The following CCHCR1 variants were observed in gnomAD, a reference collection of about 807,000 sequenced individuals.
The protein encoded by CCHCR1 is HCR (a-helix coiled-coil rod homologue).
Under a neutral mutation model 114.6 loss-of-function variants are expected in CCHCR1, and 91 were observed. That is an observed-to-expected ratio of 0.79 (90% CI 0.67 to 0.94). The LOEUF (loss-of-function observed/expected upper bound fraction) is 0.94, where lower values mean the gene tolerates loss of function less well. CCHCR1 is among the 40% of genes least tolerant of loss of function. CCHCR1 has a pLI of 0.00. For synonymous variants in CCHCR1, 379 were observed against 428.5 expected, an observed-to-expected ratio of 0.88 and a Z score of 1.43; for missense variants, 899 against 1,079.9, an observed-to-expected ratio of 0.83 and a Z score of 2.35.
In CCHCR1 at chr6:31,148,854, CGGG is replaced by C; in HGVS notation, c.1363-129_1363-127del. Reference sequence around the variant, plus strand: ...ATGCAGGGGCTGGGGGGAGGGGGGGCGGGCGACGGGGGTGGGTTGCAGCACGGT... The same window carrying C: ...ATGCAGGGGCTGGGGGGAGGGGGGGCCGACGGGGGTGGGTTGCAGCACGGT... On this transcript the variant is annotated intron_variant, in intron 8 of 17. Coordinates refer to ENST00000396268, the MANE Select transcript of CCHCR1 (RefSeq NM_001105564.2). 7.5e-5 allele frequency: 4 copies of C among 53,174 alleles called. 1 individual carries two copies. The highest frequency in any genetic ancestry group is 4.6e-4 in the Admixed American group (1 of 2,168). The allele number at this position is 53,174 out of a possible 1,614,324, so 3.3% of individuals were successfully genotyped here.
rs969789359 is a variant in CCHCR1, at chr6:31,151,747, C to A, written c.802-625G>T. ...TGTGTATGTGTTACTATCTGTCGGA[C>A]CACACTGGAAGGAAAGCTCCAGGAA... On this transcript the variant is annotated intron_variant, in intron 4 of 17. Coordinates refer to ENST00000396268, the MANE Select transcript of CCHCR1 (RefSeq NM_001105564.2). This position sits in a 1 kb window ranked among gnomAD's most constrained non-coding sequence, Gnocchi z 4.1. 3.9e-5 allele frequency among the ~76,000 whole-genome samples: 6 copies of A among 152,114 alleles called. No homozygotes were observed. The highest frequency in any genetic ancestry group is 1.4e-4 in the African/African-American group (6 of 41,418).
In CCHCR1 at chr6:31,150,708, C is replaced by T; in HGVS notation, c.1101+17G>A. 6.2e-7 allele frequency: 1 copy of T among 1,610,088 alleles called. No individual in the cohort carries two copies. The highest frequency in any genetic ancestry group is 8.5e-7 in the Non-Finnish European group (1 of 1,178,404). ...TGATCCCTAAGTCTGCACACAGATA[C>T]ATTCCTGCACCCTCACCTGCATGGT... On this transcript the variant is annotated intron_variant, in intron 6 of 17. Transcript: ENST00000396268. This position sits in a 1 kb window ranked among gnomAD's most constrained non-coding sequence, Gnocchi z 5.3.
Position 31,157,626 on chromosome 6 carries a change from T to C in CCHCR1, c.-26A>G, listed in dbSNP as rs1432361833. Reference sequence around the variant, plus strand: ...GCAGGGCTAGACCCTCCCCAAGACCTTGGGAATCCAGGCCGCCTAGATCCC... The same window carrying C: ...GCAGGGCTAGACCCTCCCCAAGACCCTGGGAATCCAGGCCGCCTAGATCCC... On this transcript the variant is annotated 5_prime_UTR_variant, in exon 1 of 18. Coordinates refer to ENST00000396268, the MANE Select transcript of CCHCR1 (RefSeq NM_001105564.2). The C allele has an allele frequency of 2.5e-6, 4 of 1,581,660 alleles. No individual in the cohort carries two copies. The highest frequency in any genetic ancestry group is 3.4e-6 in the Non-Finnish European group (4 of 1,162,030).
In CCHCR1 at chr6:31,144,940, C is replaced by A. The variant is rs745374329; in HGVS notation, c.2010G>T (p.Glu670Asp). Reference sequence around the variant, plus strand: ...GCTCCTGCCGCAGACTGGCAGCCTCCTCTGTGCTCTCCTGCTGGCCCTGGC... The same window carrying A: ...GCTCCTGCCGCAGACTGGCAGCCTCATCTGTGCTCTCCTGCTGGCCCTGGC... Reference protein sequence around the residue: ...VARQGQQESTEEAASLRQELT... With the variant: ...VARQGQQESTDEAASLRQELT... The change falls in exon 14 of 18, where the codon GAG becomes GAT. Residue 670 changes from glutamate (E) to aspartate (D), a missense_variant. By Grantham distance (45) the Glu-to-Asp change is conservative. Transcript: ENST00000396268. This position sits in a 1 kb window ranked among gnomAD's most constrained non-coding sequence, Gnocchi z 4.6. The A allele has an allele frequency of 3.1e-6, 5 of 1,612,440 alleles. No individual in the cohort carries two copies. The East Asian group carries it at 8.9e-5, about 29-fold the overall frequency.
At position 31,151,649 on chromosome 6, in the gene CCHCR1, C is replaced by T. The variant is rs1775248265; in HGVS notation, c.802-527G>A. Among the ~76,000 whole-genome samples, 1 of 152,190 alleles carries T rather than the reference C, an allele frequency of 6.6e-6. No individual in the cohort carries two copies. The highest frequency in any genetic ancestry group is 1.5e-5 in the Non-Finnish European group (1 of 68,048). Reference sequence around the variant, plus strand: ...CTTCACTGGGCCCTCTAATACCGTCCCTCCCCACCCTACTCTGCCCCATCA... The same window carrying T: ...CTTCACTGGGCCCTCTAATACCGTCTCTCCCCACCCTACTCTGCCCCATCA... On this transcript the variant is annotated intron_variant, in intron 4 of 17. Coordinates refer to ENST00000396268, the MANE Select transcript of CCHCR1 (RefSeq NM_001105564.2). This position sits in a 1 kb window ranked among gnomAD's most constrained non-coding sequence, Gnocchi z 4.1.
chr6:31,157,566 GCCCAAGGCCTGGC>G lies in CCHCR1; in HGVS notation c.22_34del (p.Ala8ProfsTer4). 1 of 1,612,658 alleles carries G rather than the reference GCCCAAGGCCTGGC, an allele frequency of 6.2e-7. No homozygotes were observed. The highest frequency in any genetic ancestry group is 8.5e-7 in the Non-Finnish European group (1 of 1,179,908). ...TGGGTCCTTCCCTGTTAAAGTGCTGGCCCAAGGCCTGGCCCCAGCTGAATGTGGCCACATGCAG... is the reference window on the plus strand; with the variant it reads ...TGGGTCCTTCCCTGTTAAAGTGCTGGCCCAGCTGAATGTGGCCACATGCAG... On this transcript the variant is annotated frameshift_variant, in exon 1 of 18. Transcript: ENST00000396268. LOFTEE classifies it high-confidence loss of function.
chr6:31,143,060 CAGT>C lies in CCHCR1; in HGVS notation c.2391_2393del (p.Leu798del). 6.2e-7 allele frequency: 1 copy of C among 1,613,036 alleles called. No homozygotes were observed. Among genetic ancestry groups the C allele is most frequent in the Non-Finnish European group, 8.5e-7 (1 of 1,180,022 alleles). On this transcript the variant is annotated inframe_deletion, in exon 17 of 18. Transcript: ENST00000396268. The surrounding 1 kb of genome is among the most constrained non-coding windows in gnomAD (Gnocchi z 5.3). ...TGGACACCACAGATTTCTTCTTATC[CAGT>C]AGGGAAGGAAGAACTGTCAACAGTC...
chr6:31,148,483 T>C lies in CCHCR1; in HGVS notation c.1502A>G (p.Gln501Arg). The change falls in exon 10 of 18, where the codon CAG becomes CGG. Residue 501 changes from glutamine to arginine, a missense_variant. Physicochemically the swap from Gln to Arg is conservative, Grantham distance 43. Transcript: ENST00000396268. ...KGLQLELSRA[Q>R]EARRRWQQQT... ...CTGCTGCCACCGACGCCTGGCCTCC[T>C]GAGCACGGCTCAGCTCCAACTGCAG... The C allele has an allele frequency of 6.2e-7, 1 of 1,612,826 alleles. No individual in the cohort carries two copies. Among genetic ancestry groups the C allele is most frequent in the Non-Finnish European group, 8.5e-7 (1 of 1,179,832 alleles).
Position 31,143,092 on chromosome 6 carries a change from G to A in CCHCR1, c.2362C>T (p.Gln788Ter), listed in dbSNP as rs1341336600. ...GAAGGAAGAACTGTCAACAGTCGCT[G>A]CTGCTTGTAACGGGAGAGGAGACCT... ...QEGLLSRYKQQRLLTVLPSLL... is the reference protein window; with the variant it reads ...QEGLLSRYKQ Residue 788 changes from glutamine (Q) to a stop codon, truncating the protein, a stop_gained, in exon 17 of 18, where the codon CAG (glutamine) becomes TAG (stop). Coordinates refer to ENST00000396268, the MANE Select transcript of CCHCR1 (RefSeq NM_001105564.2). LOFTEE classifies it high-confidence loss of function. The surrounding 1 kb of genome is among the most constrained non-coding windows in gnomAD (Gnocchi z 5.3). 6.2e-7 allele frequency: 1 copy of A among 1,613,014 alleles called. No individual in the cohort carries two copies. The highest frequency in any genetic ancestry group is 1.7e-5 in the Admixed American group (1 of 60,008).
chr6:31,143,313 C>G lies in CCHCR1; in HGVS notation c.2268G>C (p.Gln756His), dbSNP rs1773819684. ...GCTCCTGCAAGCGCCGGGCCAGTCG[C>G]TGCCCCTCCTCCTTCCGGGCCTCCT... ...LQEEARKEEG[Q>H]RLARRLQELE... Residue 756 changes from glutamine to histidine, a missense_variant, in exon 16 of 18, where the codon CAG (glutamine) becomes CAC (histidine). By Grantham distance (24) the Gln-to-His change is conservative. Transcript: ENST00000396268. This position sits in a 1 kb window ranked among gnomAD's most constrained non-coding sequence, Gnocchi z 5.3. The G allele has an allele frequency of 6.2e-7, 1 of 1,612,670 alleles. No individual in the cohort carries two copies. Among genetic ancestry groups the G allele is most frequent in the African/African-American group, 1.3e-5 (1 of 74,918 alleles).
chr6:31,145,230 C>A lies in CCHCR1; in HGVS notation c.1812G>T (p.Leu604=). 6.2e-7 allele frequency: 1 copy of A among 1,613,592 alleles called. No homozygotes were observed. Among genetic ancestry groups the A allele is most frequent in the Non-Finnish European group, 8.5e-7 (1 of 1,180,010 alleles). The change falls in exon 13 of 18, where the codon CTG becomes CTT. Residue 604 remains leucine (L), a synonymous_variant. Coordinates refer to ENST00000396268, the MANE Select transcript of CCHCR1 (RefSeq NM_001105564.2). ...GGGCACTCAGCTGCAGTTCTGCATCCAGGCGGTTCCGTTCTTCCCGCAACT... is the reference window on the plus strand; with the variant it reads ...GGGCACTCAGCTGCAGTTCTGCATCAAGGCGGTTCCGTTCTTCCCGCAACT... ...LQQLREERNR[L]DAELQLSARL... is the part of the protein sequence containing the mutation.
Position 31,150,428 on chromosome 6 carries a change from G to T in CCHCR1, c.1212+27C>A. The T allele has an allele frequency of 6.3e-7, 1 of 1,579,910 alleles. No homozygotes were observed. The highest frequency in any genetic ancestry group is 8.7e-7 in the Non-Finnish European group (1 of 1,152,436). On this transcript the variant is annotated intron_variant, in intron 7 of 17. Coordinates refer to ENST00000396268, the MANE Select transcript of CCHCR1 (RefSeq NM_001105564.2). The surrounding 1 kb of genome is among the most constrained non-coding windows in gnomAD (Gnocchi z 5.3). ...CAGTAGATGCAGGATGCGGCTGAGG[G>T]TGAGGGGTCTGGGGGTTGGGCTGTA...
At position 31,145,062 on chromosome 6, in the gene CCHCR1, G is replaced by A. The variant is rs779730871; in HGVS notation, c.1888C>T (p.Arg630Trp). 1.4e-5 allele frequency: 23 copies of A among 1,600,222 alleles called. No homozygotes were observed. Among genetic ancestry groups the A allele is most frequent in the Non-Finnish European group, 1.6e-5 (19 of 1,176,988 alleles). The stretch of plus-strand genomic sequence containing the variant: ...TGGGCCACCTTGCTCAGCTGCTGCC[G>A]CTCTGCCTCCCCTAAAAGGAGGGGG... ...GRAREQGEAE[R>W]QQLSKVAQQL... Residue 630 changes from arginine (R) to tryptophan (W), a missense_variant, in exon 14 of 18, where the codon CGG becomes TGG. Transcript: ENST00000396268.
intron 8 of CCHCR1, among the ~76,000 whole-genome samples, 162 bp from the exon 9 acceptor site, chr6:31,148,890 A>G (rs145013920): frequency 0.018 from 2,758 of 151,580 alleles, 62 homozygotes; most frequent in African/African-American, 0.05. Context: ...GGTGGCTCAC[A>G]CCTGTAATCC....
chr6:31,151,813 G>A lies in CCHCR1; in HGVS notation c.802-691C>T, dbSNP rs1311875203. On this transcript the variant is annotated intron_variant, in intron 4 of 17. Transcript: ENST00000396268. This position sits in a 1 kb window ranked among gnomAD's most constrained non-coding sequence, Gnocchi z 4.1. ...TCTTTTGCTCATGGCACCTCAAAGG[G>A]TTGCAGGGGTGTCAGAGCCACCAAG... Among the ~76,000 whole-genome samples, 1 of 152,180 alleles carries A rather than the reference G, an allele frequency of 6.6e-6. No homozygotes were observed. Among genetic ancestry groups the A allele is most frequent in the African/African-American group, 2.4e-5 (1 of 41,440 alleles).
chr6:31,148,260 A>G (rs1388294999), intron 10 of CCHCR1, 145 bp downstream of exon 10: 4 of 634,866 alleles, frequency 6.3e-6, no homozygotes, highest in Non-Finnish European at 8.6e-6. Context: ...GAACACAGGA[A>G]CATTGATAGA....
Position 31,154,348 on chromosome 6 carries a change from G to A in CCHCR1, c.801+148C>T. 1 of 683,206 alleles carries A rather than the reference G, an allele frequency of 1.5e-6. No homozygotes were observed. Among genetic ancestry groups the A allele is most frequent in the Non-Finnish European group, 2.5e-6 (1 of 396,364 alleles). 42.3% of individuals were successfully genotyped at this position (683,206 alleles called of 1,614,324 possible). On this transcript the variant is annotated intron_variant, in intron 4 of 17. Transcript: ENST00000396268. The surrounding 1 kb of genome is among the most constrained non-coding windows in gnomAD (Gnocchi z 4.1). Reference sequence around the variant, plus strand: ...AGTACCCAAATTCTCCATCTTTCTAGGCCATGTGTGTTTATTTTCACCAAA... The same window carrying A: ...AGTACCCAAATTCTCCATCTTTCTAAGCCATGTGTGTTTATTTTCACCAAA...
At position 31,145,431 on chromosome 6, in the gene CCHCR1, A is replaced by G. The variant is rs1774187009; in HGVS notation, c.1739+17T>C. ...ATGCCCTAAAGCCCCATCCACCTCA[A>G]AGTGCCCAAACTTCACCTCTCCTGG... On this transcript the variant is annotated intron_variant, in intron 12 of 17. Coordinates refer to ENST00000396268, the MANE Select transcript of CCHCR1 (RefSeq NM_001105564.2). 4 of 1,613,890 alleles carry G rather than the reference A, an allele frequency of 2.5e-6. No homozygotes were observed. In the East Asian group the frequency reaches 6.7e-5, roughly 27 times the overall value.
intron 8 of CCHCR1, chr6:31,149,411 C>T (rs1265114): frequency 0.28 from 42,707 of 152,106 alleles, 6,186 homozygotes; most frequent in Middle Eastern, 0.41. Flanking sequence ...ACAGTCTCTC[C>T]GTCACATTAT....
Sources: allele counts gnomAD v4.1 joint callset (sites outside exome capture counted in the v4.1 genomes callset), GRCh38; gene constraint gnomAD v4.1.1; non-coding constraint Gnocchi (gnomAD v3.1); transcripts MANE v1.5; gene names NCBI Gene and HGNC (gene_info 2026-07-23, HGNC 2026-07-21).